Variants in AKAP6 observed in about 807,000 individuals in gnomAD.
The protein encoded by AKAP6 is A-kinase anchoring protein 6.
In AKAP6, 58 loss-of-function variants were observed where a neutral mutation model predicts 188.5. The ratio of observed to expected loss-of-function variants is 0.31; its 90% CI spans 0.25 to 0.38. The LOEUF is 0.38. Ranked by LOEUF, AKAP6 falls within the 10% of genes least tolerant of loss-of-function variation. AKAP6 has a pLI of 1.00. For missense variants in AKAP6, 2,710 were observed against 2,740.0 expected (o/e 0.99, Z 0.24); for synonymous variants, 989 against 998.6 (o/e 0.99, Z 0.18).
intron 7 of AKAP6, among the ~76,000 whole-genome samples, chr14:32,637,076 A>G (rs1164173506): frequency 6.6e-6 from 1 of 152,126 alleles, no homozygotes; most frequent in African/African-American, 2.4e-5. Context: ...ATCTCTATTT[A>G]TAATTTCCGT....
At chr14:32,633,358 A>G (rs956713669) in intron 7 of AKAP6, among the ~76,000 whole-genome samples, 5 of 152,112 alleles carry the variant, frequency 3.3e-5, no homozygotes, top group African/African-American at 2.4e-5. Flanking sequence ...TTTAATTTAT[A>G]GTGACAGCAT....
intron 7 of AKAP6, among the ~76,000 whole-genome samples, chr14:32,636,423 T>C (rs1887489633): frequency 6.6e-6 from 1 of 152,102 alleles, no homozygotes; most frequent in Non-Finnish European, 1.5e-5. Context: ...GGCAGCTAAA[T>C]TAGATGAGAT....
intron 2 of AKAP6, among the ~76,000 whole-genome samples, chr14:32,496,107 T>G (rs1335392581): frequency 1.3e-5 from 2 of 152,222 alleles, no homozygotes; most frequent in African/African-American, 4.8e-5. Flanking sequence ...GGTTATTTAA[T>G]CCAGCATTTA....
intron 11 of AKAP6, among the ~76,000 whole-genome samples, chr14:32,744,114 G>C (rs1250916424): frequency 6.6e-6 from 1 of 151,944 alleles, no homozygotes; most frequent in Non-Finnish European, 1.5e-5. Context: ...ACTTTCTCCT[G>C]GCCTGTAAGG....
chr14:32,735,625 T>G, intron 10 of AKAP6, 33 bp from the exon 11 acceptor site: 1 of 1,477,214 alleles, frequency 6.8e-7, no homozygotes. Context: ...TGTTTGTTTG[T>G]TTTATTTTTT....
chr14:32,415,356 ATTGT>A (rs1889622312), intron 1 of AKAP6, among the ~76,000 whole-genome samples: 1 of 151,812 alleles, frequency 6.6e-6, no homozygotes, highest in African/African-American at 2.4e-5. Flanking sequence ...TGTATCCGGA[ATTGT>A]TTTTTAATTA....
chr14:32,454,075 G>A (rs1405778889), intron 2 of AKAP6, among the ~76,000 whole-genome samples: 1 of 152,140 alleles, frequency 6.6e-6, no homozygotes, highest in South Asian at 2.1e-4. Context: ...CCATGAGTAC[G>A]GATGGCCTCA....
chr14:32,348,732 G>C (rs1156463301), intron 1 of AKAP6, among the ~76,000 whole-genome samples: 1 of 152,064 alleles, frequency 6.6e-6, no homozygotes, highest in Non-Finnish European at 1.5e-5. Flanking sequence ...TTCTTTTGCA[G>C]TGCTTTTGCC....
chr14:32,746,436 T>TGGCCTA (rs964205563), intron 11 of AKAP6, among the ~76,000 whole-genome samples: 1 of 152,158 alleles, frequency 6.6e-6, no homozygotes, highest in African/African-American at 2.4e-5. Context: ...GGTTTCCTTC[T>TGGCCTA]GGCCTAGGAT....
At chr14:32,730,591 G>A (rs974990130) in intron 9 of AKAP6, among the ~76,000 whole-genome samples, 7 of 152,076 alleles carry the variant, frequency 4.6e-5, no homozygotes, top group African/African-American at 9.7e-5. Context: ...CAAGTTAAAG[G>A]GATAACTGGT....
intron 8 of AKAP6, among the ~76,000 whole-genome samples, chr14:32,691,869 A>C (rs976832589): frequency 6.6e-6 from 1 of 152,122 alleles, no homozygotes; most frequent in East Asian, 1.9e-4. Flanking sequence ...TTGATTTGCC[A>C]CTGTTATATG....
intron 5 of AKAP6, among the ~76,000 whole-genome samples, chr14:32,582,028 C>T (rs1257867522): frequency 6.6e-6 from 1 of 151,646 alleles, no homozygotes; most frequent in African/African-American, 2.4e-5. Flanking sequence ...TGAATTTGAT[C>T]CTGTCATTAT....
At chr14:32,344,517 C>T (rs761742695) in intron 1 of AKAP6, among the ~76,000 whole-genome samples, 3 of 152,176 alleles carry the variant, frequency 2.0e-5, no homozygotes, top group Non-Finnish European at 4.4e-5. Context: ...GAAGTAAAAT[C>T]TGACCTGAGC....
intron 2 of AKAP6, among the ~76,000 whole-genome samples, chr14:32,436,660 AG>A (rs1419854379): frequency 1.1e-4 from 16 of 152,304 alleles, no homozygotes; most frequent in Non-Finnish European, 1.9e-4. Flanking sequence ...TACGTAAACA[AG>A]CATGGTGACT....
At chr14:32,611,498 A>G (rs1281089127) in intron 7 of AKAP6, among the ~76,000 whole-genome samples, 1 of 152,210 alleles carries the variant, frequency 6.6e-6, no homozygotes, top group African/African-American at 2.4e-5. Context: ...TTAAGGATGT[A>G]GGTTTGGTAG....
rs1566547015 is a variant in AKAP6, at chr14:32,510,479, T to TATATATGTGTATATATATATATAC, written c.325-25069_325-25068insGTGTATATATATATATACATATAT. Among the ~76,000 whole-genome samples the TATATATGTGTATATATATATATAC allele has an allele frequency of 3.5e-3, 338 of 97,636 alleles. 1 individual carries two copies. The highest frequency in any genetic ancestry group is 9.2e-3 in the African/African-American group (215 of 23,404). The allele number at this position is 97,636 out of a possible 152,430, so 64.1% of individuals were successfully genotyped here. On this transcript the variant is annotated intron_variant, in intron 2 of 13. Coordinates refer to ENST00000280979, the MANE Select transcript of AKAP6 (RefSeq NM_004274.5). The stretch of plus-strand genomic sequence containing the variant: ...ATATATGTGTATATATATATATACA[T>TATATATGTGTATATATATATATAC]ATATATATGTGTATATATATATATA...
chr14:32,394,881 T>A (rs1044576942), intron 1 of AKAP6, among the ~76,000 whole-genome samples: 4 of 152,156 alleles, frequency 2.6e-5, no homozygotes, highest in Non-Finnish European at 5.9e-5. Flanking sequence ...GAGGAAAATA[T>A]CTCTGCAAAA....
intron 1 of AKAP6, among the ~76,000 whole-genome samples, chr14:32,400,973 G>T (rs562109952): frequency 6.6e-6 from 1 of 152,312 alleles, no homozygotes; most frequent in East Asian, 1.9e-4. Context: ...TCTACCAGAA[G>T]AGATGAGGGG....
At chr14:32,425,156 A>AT (rs1028544189) in intron 1 of AKAP6, among the ~76,000 whole-genome samples, 11 of 151,682 alleles carry the variant, frequency 7.3e-5, no homozygotes, top group South Asian at 4.2e-4. Context: ...AGCATCTGTT[A>AT]TTTTTTTTGA....
Sources: allele counts gnomAD v4.1 joint callset (sites outside exome capture counted in the v4.1 genomes callset), GRCh38; gene constraint gnomAD v4.1.1; transcripts MANE v1.5; gene names NCBI Gene and HGNC (gene_info 2026-07-23, HGNC 2026-07-21).